Variants in SLC8A1 observed in about 807,000 individuals in gnomAD.
SLC8A1 encodes the protein solute carrier family 8 member A1, also known as sodium/calcium exchanger 1.
Under a neutral mutation model 68.3 loss-of-function variants are expected in SLC8A1, and 18 were observed. That is an observed-to-expected ratio of 0.26 (90% CI 0.18 to 0.39). The LOEUF is 0.39. Ranked by LOEUF, SLC8A1 falls within the 10% of genes least tolerant of loss-of-function variation. The pLI, the probability that SLC8A1 is intolerant of heterozygous loss-of-function variation, is 1.00. For missense variants in SLC8A1, 985 were observed against 1,156.7 expected, an observed-to-expected ratio of 0.85 and a Z score of 2.15; for synonymous variants, 475 against 415.5, an observed-to-expected ratio of 1.14 and a Z score of -1.74.
intron 7 of SLC8A1, among the ~76,000 whole-genome samples, chr2:40,137,714 C>T (rs929872368): frequency 3.9e-5 from 6 of 152,150 alleles, no homozygotes; most frequent in African/African-American, 4.8e-5. Context: ...ACTGCTGGAA[C>T]GTAGTTGGGA....
intron 2 of SLC8A1, among the ~76,000 whole-genome samples, chr2:40,348,176 T>C (rs72798617): frequency 0.021 from 3,145 of 152,236 alleles, 55 homozygotes; most frequent in Non-Finnish European, 0.032. Context: ...AGAGAGAAGA[T>C]TGAACTGTAC....
In SLC8A1 at chr2:40,250,839, T is replaced by C. The variant is rs1445046192; in HGVS notation, c.1809-72984A>G. 2.6e-5 allele frequency: 4 copies of C among 152,144 alleles called. No homozygotes were observed. The East Asian group carries it at 7.7e-4, about 29-fold the overall frequency. The allele number at this position is 152,144 out of a possible 1,614,324, so 9.4% of individuals were successfully genotyped here. A position where few individuals can be genotyped will look rare whatever the true frequency, so the allele number is the denominator to read the frequency against. On this transcript the variant is annotated intron_variant, in intron 2 of 7. Transcript: ENST00000406785. ...AGCACAATATAGGTGAAATCATACA[T>C]GTATATGCAAAAAAAGTACCTGTAA...
At chr2:40,240,425 T>C (rs2061057833) in intron 2 of SLC8A1, among the ~76,000 whole-genome samples, 1 of 152,114 alleles carries the variant, frequency 6.6e-6, no homozygotes, top group African/African-American at 2.4e-5. Context: ...CTGGACCCAA[T>C]GCAACACCAC....
chr2:40,313,166 C>T (rs2073969267), intron 2 of SLC8A1, among the ~76,000 whole-genome samples: 1 of 151,996 alleles, frequency 6.6e-6, no homozygotes, highest in African/African-American at 2.4e-5. Flanking sequence ...AATAATTTTA[C>T]ACAAATAGAA....
intron 2 of SLC8A1, among the ~76,000 whole-genome samples, chr2:40,370,792 G>A (rs2149508780): frequency 6.6e-6 from 1 of 152,032 alleles, no homozygotes; most frequent in Middle Eastern, 3.4e-3. Context: ...TTACTTATCA[G>A]CATTACTAAT....
At chr2:40,479,637 T>C (rs1704504772) in intron 1 of SLC8A1, among the ~76,000 whole-genome samples, 1 of 152,212 alleles carries the variant, frequency 6.6e-6, no homozygotes, top group Admixed American at 6.5e-5. Flanking sequence ...AGTGAGCTTT[T>C]CATGCTCCTA....
intron 1 of SLC8A1, among the ~76,000 whole-genome samples, chr2:40,500,985 C>T (rs1706027921): frequency 6.6e-6 from 1 of 151,678 alleles, no homozygotes; most frequent in Admixed American, 6.6e-5. Flanking sequence ...TAGCTGCTGG[C>T]TATATCTCTG....
At chr2:40,383,260 C>T (rs1336236382) in intron 2 of SLC8A1, among the ~76,000 whole-genome samples, 1 of 152,010 alleles carries the variant, frequency 6.6e-6, no homozygotes, top group African/African-American at 2.4e-5. Flanking sequence ...GTTTGTATAT[C>T]TCACTTGTCA....
intron 2 of SLC8A1, among the ~76,000 whole-genome samples, chr2:40,291,029 G>A (rs951771246): frequency 6.6e-6 from 1 of 152,170 alleles, no homozygotes; most frequent in African/African-American, 2.4e-5. Context: ...TAAATTTTAT[G>A]TCAATTGAAC....
chr2:40,284,422 T>G (rs1313753681), intron 2 of SLC8A1, among the ~76,000 whole-genome samples: 4 of 147,148 alleles, frequency 2.7e-5, no homozygotes, highest in Non-Finnish European at 6.0e-5. Flanking sequence ...TAGAGAGATC[T>G]ATATATCTAT....
chr2:40,296,199 T>C (rs2070345925), intron 2 of SLC8A1, among the ~76,000 whole-genome samples: 1 of 152,146 alleles, frequency 6.6e-6, no homozygotes. Flanking sequence ...TGAAACATAT[T>C]AAAAATGACT....
chr2:40,125,484 C>G (rs902813577), intron 7 of SLC8A1, among the ~76,000 whole-genome samples: 1 of 152,074 alleles, frequency 6.6e-6, no homozygotes, highest in Non-Finnish European at 1.5e-5. Flanking sequence ...TTTCCCCCAC[C>G]TACTCGTGTT....
chr2:40,176,077 C>T, intron 3 of SLC8A1: 1 of 400,536 alleles, frequency 2.5e-6, no homozygotes, highest in Non-Finnish European at 5.0e-6. Flanking sequence ...GTGCTTTAAG[C>T]CCAGAATGTA....
intron 2 of SLC8A1, among the ~76,000 whole-genome samples, chr2:40,229,765 TCTTA>T (rs1270475101): frequency 6.6e-6 from 1 of 152,196 alleles, no homozygotes; most frequent in African/African-American, 2.4e-5. Flanking sequence ...GTATCTTATA[TCTTA>T]CTTTTTGCCT....
At chr2:40,391,673 T>C (rs748854313) in intron 2 of SLC8A1, among the ~76,000 whole-genome samples, 21 of 152,168 alleles carry the variant, frequency 1.4e-4, no homozygotes, top group Non-Finnish European at 2.8e-4. Flanking sequence ...TCTGCTTCCA[T>C]ATCCACAACT....
intron 6 of SLC8A1, among the ~76,000 whole-genome samples, chr2:40,155,209 A>G (rs1306174915): frequency 6.6e-6 from 1 of 151,988 alleles, no homozygotes; most frequent in African/African-American, 2.4e-5. Context: ...TGCTCACTGC[A>G]AGCTCTGCCT....
chr2:40,307,357 C>A (rs1485954853), intron 2 of SLC8A1, among the ~76,000 whole-genome samples: 1 of 151,936 alleles, frequency 6.6e-6, no homozygotes, highest in Admixed American at 6.6e-5. Flanking sequence ...TAATAGAAAG[C>A]AAAATGGTAG....
intron 1 of SLC8A1, among the ~76,000 whole-genome samples, chr2:40,491,001 C>T (rs1201478480): frequency 6.6e-6 from 1 of 152,122 alleles, no homozygotes; most frequent in African/African-American, 2.4e-5. Flanking sequence ...ATTTATATTC[C>T]TTTAACGTAA....
chr2:40,263,021 C>T (rs1485509415), intron 2 of SLC8A1, among the ~76,000 whole-genome samples: 1 of 152,226 alleles, frequency 6.6e-6, no homozygotes, highest in African/African-American at 2.4e-5. Context: ...AACTTCATGA[C>T]ATGGCTATGC....
Sources: gnomAD v4.1 joint callset for allele counts (sites outside exome capture counted in the v4.1 genomes callset) on GRCh38, gnomAD v4.1.1 for gene constraint, MANE v1.5 for transcripts, NCBI Gene and HGNC (gene_info 2026-07-23, HGNC 2026-07-21) for gene names.